Variants in H2AJ observed in about 807,000 individuals in gnomAD.
The protein encoded by H2AJ is H2A.J histone.
H2AJ carries 3 observed loss-of-function variants against 7.9 expected under a neutral mutation model. The ratio of observed to expected loss-of-function variants is 0.38; its 90% confidence interval spans 0.17 to 0.98. The LOEUF is 0.98. Among genes scored for constraint, H2AJ ranks in the 50% least tolerant of loss-of-function variants. H2AJ has a pLI of 0.39. For missense variants in H2AJ, 128 were observed against 174.4 expected, an observed-to-expected ratio of 0.73 and a Z score of 1.50; for synonymous variants, 98 against 85.7, an observed-to-expected ratio of 1.14 and a Z score of -0.79.
At chr12:14,775,743 G>T, downstream of H2AJ, 1 of 236,858 alleles carries the variant, frequency 4.2e-6, no homozygotes, top group Non-Finnish European at 9.2e-6. Context: ...GTTTGACTTT[G>T]CTTTCAAACA....
At chr12:14,777,986 A>C (rs933841067), downstream of H2AJ, 1 of 166,934 alleles carries the variant, frequency 6.0e-6, no homozygotes, top group African/African-American at 2.4e-5. Context: ...GTAATGATTA[A>C]AGCTTGTGAA....
chr12:14,775,628 C>T (rs528809078), downstream of H2AJ: 1 of 347,884 alleles, frequency 2.9e-6, no homozygotes, highest in Non-Finnish European at 5.9e-6. Flanking sequence ...ATTGCAGCGC[C>T]TTTAGTCGTG....
At chr12:14,777,320 T>C (rs1252576032), downstream of H2AJ, 3 of 166,772 alleles carry the variant, frequency 1.8e-5, no homozygotes, top group African/African-American at 7.3e-5. Flanking sequence ...ATCCATAGTT[T>C]TATTTACACA....
rs1311646354 is a variant in H2AJ at position 14,774,865 on chromosome 12, G to A, written c.*5G>A. 1.2e-6 allele frequency: 2 copies of A among 1,612,344 alleles called. No homozygotes were observed. The highest frequency in any genetic ancestry group is 1.1e-5 in the South Asian group (1 of 90,986). ...CAGAAGACGAAGAGCAAATGACCCT[G>A]ACGCCGCCCTCAGGGAGCTGGCTCC... On this transcript the variant is annotated 3_prime_UTR_variant, in exon 1 of 1. Transcript: ENST00000544848.
rs751251262 is a variant in H2AJ, at chr12:14,774,651, G to A, written c.181G>A (p.Ala61Thr). ...YLAAVLEYLT[A>T]EILELAGNAA... ...GGCGGCGGTGTTGGAGTACCTTACGGCGGAGATCCTGGAGCTGGCTGGCAA... is the reference window on the plus strand; with the variant it reads ...GGCGGCGGTGTTGGAGTACCTTACGACGGAGATCCTGGAGCTGGCTGGCAA... The change falls in exon 1 of 1, where the codon GCG becomes ACG. Residue 61 changes from alanine to threonine, a missense_variant. Ala to Thr is a moderately conservative substitution (Grantham distance 58, BLOSUM62 0). Transcript: ENST00000544848. 2 of 1,614,208 alleles carry A rather than the reference G, an allele frequency of 1.2e-6. No homozygotes were observed. The highest frequency in any genetic ancestry group is 1.1e-5 in the South Asian group (1 of 91,082).
In H2AJ at chr12:14,774,446, C is replaced by G; in HGVS notation, c.-25C>G. 1.3e-6 allele frequency: 2 copies of G among 1,537,440 alleles called. No homozygotes were observed. The highest frequency in any genetic ancestry group is 1.4e-5 in the African/African-American group (1 of 72,312). On this transcript the variant is annotated 5_prime_UTR_variant, in exon 1 of 1. Transcript: ENST00000544848. ...CGCCGAGAGCGGTTTGTCTCCGTCT[C>G]TGGAGTTGTAGGCGAGAGGTGATCA...
At chr12:14,775,451 A>G (rs544558417), downstream of H2AJ, 3 of 471,006 alleles carry the variant, frequency 6.4e-6, no homozygotes, top group Non-Finnish European at 1.3e-5. Context: ...GCACGATGTC[A>G]ACTTGAGATT....
rs1358488469 is a variant in H2AJ at position 14,774,780 on chromosome 12, G to A, written c.310G>A (p.Ala104Thr). 1.2e-6 allele frequency: 2 copies of A among 1,614,224 alleles called. No homozygotes were observed. The highest frequency in any genetic ancestry group is 2.2e-5 in the South Asian group (2 of 91,088). ...LNKLLGKVTI[A>T]QGGVLPNIQA... ...CAAGCTGCTGGGCAAAGTGACCATC[G>A]CTCAGGGCGGCGTCCTGCCCAACAT... Residue 104 changes from alanine to threonine, a missense_variant, in exon 1 of 1, where the codon GCT becomes ACT. Transcript: ENST00000544848.
rs369506275 is a variant in H2AJ at position 14,774,551 on chromosome 12, G to A, written c.81G>A (p.Pro27=). ...CCTCCCGCGCGGGCCTGCAGTTCCCGGTGGGCCGAGTGCACAGACTGCTGC... is the reference window on the plus strand; with the variant it reads ...CCTCCCGCGCGGGCCTGCAGTTCCCAGTGGGCCGAGTGCACAGACTGCTGC... ...SRSSRAGLQF[P]VGRVHRLLRK... is the part of the protein sequence containing the mutation. Residue 27 remains proline, a synonymous_variant, in exon 1 of 1, where the codon CCG becomes CCA. Transcript: ENST00000544848. 33 of 1,613,284 alleles carry A rather than the reference G, an allele frequency of 2.0e-5. No individual in the cohort carries two copies. Among genetic ancestry groups the A allele is most frequent in the African/African-American group, 2.7e-5 (2 of 74,918 alleles).
rs1252318743 is a variant in H2AJ, at chr12:14,774,880, G to A, written c.*20G>A. 1 of 1,608,524 alleles carries A rather than the reference G, an allele frequency of 6.2e-7. No individual in the cohort carries two copies. The highest frequency in any genetic ancestry group is 1.7e-5 in the Admixed American group (1 of 58,912). ...AAATGACCCTGACGCCGCCCTCAGGGAGCTGGCTCCCCCAGCAAAGGCCCT... is the reference window on the plus strand; with the variant it reads ...AAATGACCCTGACGCCGCCCTCAGGAAGCTGGCTCCCCCAGCAAAGGCCCT... On this transcript the variant is annotated 3_prime_UTR_variant, in exon 1 of 1. Coordinates refer to ENST00000544848, the MANE Select transcript of H2AJ (RefSeq NM_177925.5).
Position 14,774,615 on chromosome 12 carries a change from CCGGTGTACCTGGCGG to C in H2AJ, c.152_166del (p.Tyr51_Val55del), listed in dbSNP as rs1949604434. The C allele has an allele frequency of 6.2e-7, 1 of 1,614,058 alleles. No homozygotes were observed. The highest frequency in any genetic ancestry group is 8.5e-7 in the Non-Finnish European group (1 of 1,179,998). On this transcript the variant is annotated inframe_deletion, in exon 1 of 1. Transcript: ENST00000544848. ...CGCGGAGCGAGTGGGCGCCGGGGCG[CCGGTGTACCTGGCGG>C]CGGTGTTGGAGTACCTTACGGCGGA...
Position 14,774,987 on chromosome 12 carries a change from A to G in H2AJ, c.*127A>G. On this transcript the variant is annotated 3_prime_UTR_variant, in exon 1 of 1. Transcript: ENST00000544848. ...ACATCTAGCGGGGAGGTGGGCGGCG[A>G]GGGTCCCGGCGGGAGCCAATAAAGT... 8.8e-7 allele frequency: 1 copy of G among 1,137,228 alleles called. No individual in the cohort carries two copies. 70.4% of individuals were successfully genotyped at this position (1,137,228 alleles called of 1,614,324 possible). A position where few individuals can be genotyped will look rare whatever the true frequency, so the allele number is the denominator to read the frequency against.
chr12:14,776,125 A>G (rs1949637062), downstream of H2AJ: 1 of 167,108 alleles, frequency 6.0e-6, no homozygotes, highest in Admixed American at 6.5e-5. Context: ...GTGAGTCGGA[A>G]TTGAAGTCTT....
At chr12:14,776,486 C>G (rs192316382), downstream of H2AJ, 334 of 167,232 alleles carry the variant, frequency 2.0e-3, 1 homozygote, top group Non-Finnish European at 3.2e-3. Flanking sequence ...GCCGTACACA[C>G]CTCTGTTAGG....
chr12:14,775,092 A>T, downstream of H2AJ: 2 of 574,994 alleles, frequency 3.5e-6, no homozygotes, highest in Non-Finnish European at 6.3e-6. Flanking sequence ...GGCGACCGGG[A>T]AACCCCTGGA....
chr12:14,775,374 G>A (rs917571456), downstream of H2AJ: 2 of 471,288 alleles, frequency 4.2e-6, no homozygotes, highest in Admixed American at 2.3e-5. Flanking sequence ...CTCGGGGCAG[G>A]AAGTGTCTGC....
Position 14,774,422 on chromosome 12 carries a change from G to C in H2AJ, c.-49G>C. The C allele has an allele frequency of 6.6e-7, 1 of 1,522,838 alleles. No individual in the cohort carries two copies. Among genetic ancestry groups the C allele is most frequent in the Non-Finnish European group, 8.8e-7 (1 of 1,137,398 alleles). 94.3% of individuals were successfully genotyped at this position (1,522,838 alleles called of 1,614,324 possible). The stretch of plus-strand genomic sequence containing the variant: ...GGTACGTTGCATTCCGGTACCGGAC[G>C]CCGAGAGCGGTTTGTCTCCGTCTCT... On this transcript the variant is annotated 5_prime_UTR_variant, in exon 1 of 1. Coordinates refer to ENST00000544848, the MANE Select transcript of H2AJ (RefSeq NM_177925.5).
Position 14,774,972 on chromosome 12 carries a change from G to C in H2AJ, c.*112G>C, listed in dbSNP as rs528064077. The stretch of plus-strand genomic sequence containing the variant: ...CATGGAGGGCCGGTGACATCTAGCG[G>C]GGAGGTGGGCGGCGAGGGTCCCGGC... On this transcript the variant is annotated 3_prime_UTR_variant, in exon 1 of 1. Coordinates refer to ENST00000544848, the MANE Select transcript of H2AJ (RefSeq NM_177925.5). The C allele has an allele frequency of 1.2e-4, 160 of 1,297,618 alleles. No homozygotes were observed. The East Asian group carries it at 3.8e-3, about 31-fold the overall frequency. 80.4% of individuals were successfully genotyped at this position (1,297,618 alleles called of 1,614,324 possible). A position where few individuals can be genotyped will look rare whatever the true frequency, so the allele number is the denominator to read the frequency against.
downstream of H2AJ, chr12:14,777,884 C>T (rs1407596930): frequency 1.2e-5 from 2 of 167,046 alleles, no homozygotes; most frequent in Non-Finnish European, 2.9e-5. Context: ...TCTAGCAATC[C>T]TTCGACTTTT....
Sources: gnomAD v4.1 joint callset for allele counts on GRCh38, gnomAD v4.1.1 for gene constraint, MANE v1.5 for transcripts, NCBI Gene and HGNC (gene_info 2026-07-23, HGNC 2026-07-21) for gene names.